PMS1: variants seen among roughly 807,000 people sequenced by gnomAD.
PMS1 encodes the protein PMS1 protein homolog 1.
PMS1 carries 79 observed loss-of-function variants against 93.1 expected under a neutral mutation model. The ratio of observed to expected loss-of-function variants is 0.85; its 90% CI spans 0.71 to 1.02. The LOEUF (loss-of-function observed/expected upper bound fraction) is 1.02, where lower values mean the gene tolerates loss of function less well. Ranked by LOEUF, PMS1 falls within the 50% of genes least tolerant of loss-of-function variation. PMS1 has a pLI of 0.00. For missense variants in PMS1, 1,064 were observed against 1,085.3 expected (o/e 0.98, Z 0.28); for synonymous variants, 335 against 363.4 (o/e 0.92, Z 0.89).
chr2:189,788,903 T>C (rs2048602377), intron 1 of PMS1, among the ~76,000 whole-genome samples: 1 of 152,188 alleles, frequency 6.6e-6, no homozygotes, highest in Admixed American at 6.5e-5. Context: ...ATTCTGAAGC[T>C]TTGGAAAAGT....
At position 189,867,867 on chromosome 2, in the gene PMS1, G is replaced by A; in HGVS notation, c.2411G>A (p.Gly804Glu). The change falls in exon 11 of 13, where the codon GGA (glycine) becomes GAA (glutamate). Residue 804 changes from glycine to glutamate, a missense_variant. Transcript: ENST00000441310. ...ACAGCAGATGACCAAAGATACAGTGGATCAACTTACCTGTCTGATCCTCGT... is the reference window on the plus strand; with the variant it reads ...ACAGCAGATGACCAAAGATACAGTGAATCAACTTACCTGTCTGATCCTCGT... ...KMTADDQRYSGSTYLSDPRLT... is the reference protein window; with the variant it reads ...KMTADDQRYSESTYLSDPRLT... 6.3e-7 allele frequency: 1 copy of A among 1,599,176 alleles called. No individual in the cohort carries two copies. Among genetic ancestry groups the A allele is most frequent in the Non-Finnish European group, 8.6e-7 (1 of 1,166,612 alleles).
At chr2:189,875,311 C>T (rs535947409) in intron 12 of PMS1, among the ~76,000 whole-genome samples, 7 of 151,372 alleles carry the variant, frequency 4.6e-5, no homozygotes, top group African/African-American at 1.2e-4. Context: ...GGTTCCAGCA[C>T]CACCTGTGGA....
intron 5 of PMS1, among the ~76,000 whole-genome samples, chr2:189,822,053 C>G (rs1559257249): frequency 6.6e-6 from 1 of 152,140 alleles, no homozygotes; most frequent in Non-Finnish European, 1.5e-5. Context: ...CGGGTGGCGC[C>G]TCGGGCCTCC....
intron 2 of PMS1, among the ~76,000 whole-genome samples, chr2:189,793,484 T>A (rs1305934073): frequency 6.6e-6 from 1 of 152,224 alleles, no homozygotes; most frequent in Non-Finnish European, 1.5e-5. Flanking sequence ...AAAACAAGTA[T>A]ATTAAATTAT....
At chr2:189,792,894 C>T (rs1033090223) in intron 2 of PMS1, among the ~76,000 whole-genome samples, 1 of 151,888 alleles carries the variant, frequency 6.6e-6, no homozygotes, top group African/African-American at 2.4e-5. Context: ...TTACTGCACT[C>T]TCCCTCCCCG....
chr2:189,801,964 A>G (rs1388112355), intron 3 of PMS1, among the ~76,000 whole-genome samples: 1 of 152,206 alleles, frequency 6.6e-6, no homozygotes, highest in African/African-American at 2.4e-5. Flanking sequence ...TCCTTTCTAA[A>G]ATGTAATAGC....
intron 11 of PMS1, among the ~76,000 whole-genome samples, chr2:189,872,111 T>C (rs2057201947): frequency 6.6e-6 from 1 of 152,142 alleles, no homozygotes; most frequent in East Asian, 1.9e-4. Flanking sequence ...AGGTCACATT[T>C]CAACATTAGA....
At chr2:189,833,893 C>T (rs1295706217) in intron 5 of PMS1, among the ~76,000 whole-genome samples, 1 of 152,062 alleles carries the variant, frequency 6.6e-6, no homozygotes, top group Non-Finnish European at 1.5e-5. Flanking sequence ...CAGAGACCAC[C>T]ACAATCTTCC....
chr2:189,859,877 T>C (rs962078883), intron 9 of PMS1, among the ~76,000 whole-genome samples: 1 of 151,222 alleles, frequency 6.6e-6, no homozygotes, highest in African/African-American at 2.5e-5. Context: ...ATTATTGTAG[T>C]GACTATAATT....
At chr2:189,801,516 T>A (rs1478870841) in intron 3 of PMS1, among the ~76,000 whole-genome samples, 1 of 152,230 alleles carries the variant, frequency 6.6e-6, no homozygotes, top group Non-Finnish European at 1.5e-5. Context: ...TAGGTTGATA[T>A]TTTATATGTG....
chr2:189,811,791 T>G (rs2050870282), intron 4 of PMS1, among the ~76,000 whole-genome samples: 1 of 152,212 alleles, frequency 6.6e-6, no homozygotes. Context: ...ACAGGAGTGT[T>G]GTTAAGGCAG....
At chr2:189,868,056 T>C in intron 11 of PMS1, 127 bp downstream of exon 11, 1 of 803,838 alleles carries the variant, frequency 1.2e-6, no homozygotes, top group South Asian at 1.4e-5. Flanking sequence ...CAGTGTCAGC[T>C]ATGTTAAAAC....
chr2:189,864,359 T>C, intron 10 of PMS1, 131 bp downstream of exon 10: 1 of 787,488 alleles, frequency 1.3e-6, no homozygotes, highest in South Asian at 1.4e-5. Flanking sequence ...TTTAATCTTT[T>C]AAACATTTGA....
Position 189,854,001 on chromosome 2 carries a change from C to T in PMS1, c.885C>T (p.Phe295=). 8.1e-6 allele frequency: 13 copies of T among 1,608,552 alleles called. No homozygotes were observed. The highest frequency in any genetic ancestry group is 1.1e-5 in the Non-Finnish European group (13 of 1,176,892). ...LKESTRLYPV[F]FLKIDVPTAD... ...AATCTACTCGTTTGTATCCTGTTTT[C>T]TTTCTGAAAATCGATGTTCCTACAG... is the stretch of plus-strand genomic sequence containing the variant. Residue 295 remains phenylalanine (F), a synonymous_variant, in exon 8 of 13, where the codon TTC becomes TTT. Transcript: ENST00000441310.
chr2:189,809,412 C>T (rs2050623408), intron 4 of PMS1, among the ~76,000 whole-genome samples: 1 of 137,492 alleles, frequency 7.3e-6, no homozygotes, highest in Non-Finnish European at 1.5e-5. Flanking sequence ...CTATTATTGG[C>T]CAATATTACT....
intron 9 of PMS1, chr2:189,857,354 G>A (rs1214585215): frequency 1.4e-5 from 5 of 351,980 alleles, no homozygotes; most frequent in Non-Finnish European, 3.0e-5. Flanking sequence ...CAGAGCCAGG[G>A]TTCCTGGGAC....
At chr2:189,849,944 C>G (rs1392272167) in intron 6 of PMS1, among the ~76,000 whole-genome samples, 1 of 150,936 alleles carries the variant, frequency 6.6e-6, no homozygotes, top group Non-Finnish European at 1.5e-5. Context: ...TTTCAGTCCC[C>G]TGTCTTGAAT....
Position 189,805,723 on chromosome 2 carries a change from A to G in PMS1, c.387A>G (p.Ile129Met). ...TQYVLDGSGH[I>M]LSQKPSHLGQ... The stretch of plus-strand genomic sequence containing the variant: ...ATGTTTTAGATGGCAGTGGCCACAT[A>G]CTTTCTCAGAAACCTTCACATCTTG... Residue 129 changes from isoleucine to methionine, a missense_variant, in exon 4 of 13, where the codon ATA becomes ATG. Ile to Met is a conservative substitution (Grantham distance 10, BLOSUM62 1). Coordinates refer to ENST00000441310, the MANE Select transcript of PMS1 (RefSeq NM_000534.5). 6.2e-7 allele frequency: 1 copy of G among 1,613,896 alleles called. No individual in the cohort carries two copies.
chr2:189,836,361 C>T (rs1026146914), intron 5 of PMS1, among the ~76,000 whole-genome samples: 1 of 152,234 alleles, frequency 6.6e-6, no homozygotes, highest in Non-Finnish European at 1.5e-5. Flanking sequence ...TTAGTTGGCA[C>T]ATCCAGGTGC....
Sources: allele counts gnomAD v4.1 joint callset (sites outside exome capture counted in the v4.1 genomes callset), GRCh38; gene constraint gnomAD v4.1.1; transcripts MANE v1.5; gene names NCBI Gene and HGNC (gene_info 2026-07-23, HGNC 2026-07-21).